The following BNC2 variants were observed in gnomAD, a reference collection of about 807,000 sequenced individuals.
BNC2 encodes the protein zinc finger protein basonuclin-2.
In BNC2, 20 loss-of-function variants were observed where a neutral mutation model predicts 76.3. That is an observed-to-expected ratio of 0.26 (90% CI 0.18 to 0.38). The LOEUF (loss-of-function observed/expected upper bound fraction) is 0.38. BNC2 is among the 10% of genes least tolerant of loss of function. The probability of loss-of-function intolerance (pLI) is 1.00; values close to 1 mark genes in which losing one functional copy is unlikely to be tolerated. For missense variants in BNC2, 1,382 were observed against 1,399.8 expected, an observed-to-expected ratio of 0.99 and a Z score of 0.20; for synonymous variants, 582 against 514.8, an observed-to-expected ratio of 1.13 and a Z score of -1.77.
intron 3 of BNC2, among the ~76,000 whole-genome samples, chr9:16,614,863 G>A (rs73421425): frequency 0.12 from 18,080 of 151,246 alleles, 2,010 homozygotes; most frequent in African/African-American, 0.3. Flanking sequence ...AGTCGAGGTG[G>A]AAAGATTACT....
intron 1 of BNC2, among the ~76,000 whole-genome samples, chr9:16,749,067 T>C (rs1174040780): frequency 5.6e-5 from 2 of 35,718 alleles, no homozygotes; most frequent in Non-Finnish European, 1.8e-4. Context: ...AAATTCAGTA[T>C]GTAAGCTTGT....
intron 5 of BNC2, among the ~76,000 whole-genome samples, chr9:16,493,985 C>T (rs1319150136): frequency 6.6e-6 from 1 of 152,100 alleles, no homozygotes; most frequent in African/African-American, 2.4e-5. Flanking sequence ...ATTCAGTCCT[C>T]CACTCAACTA....
In BNC2 at chr9:16,435,587, A is replaced by G; in HGVS notation, c.2607T>C (p.Asn869=). ...EMHVCTVAGC[N]AAFPSRRSRD... is the part of the protein sequence containing the mutation. The stretch of plus-strand genomic sequence containing the variant: ...GGCTTCGGCGAGAGGGGAATGCAGC[A>G]TTGCAACCAGCCACTGTGCAGACGT... The change falls in exon 6 of 7, where the codon AAT becomes AAC. Residue 869 remains asparagine, a synonymous_variant. Transcript: ENST00000380672. 6.2e-7 allele frequency: 1 copy of G among 1,614,114 alleles called. No homozygotes were observed. Among genetic ancestry groups the G allele is most frequent in the Non-Finnish European group, 8.5e-7 (1 of 1,180,030 alleles).
chr9:16,565,811 A>G (rs1458359682), intron 4 of BNC2, among the ~76,000 whole-genome samples: 1 of 151,974 alleles, frequency 6.6e-6, no homozygotes, highest in Non-Finnish European at 1.5e-5. Context: ...CATCTCAAAA[A>G]AAAAAAAAGC....
intron 1 of BNC2, among the ~76,000 whole-genome samples, chr9:16,764,951 G>GGA (rs1156507767): frequency 6.6e-6 from 1 of 151,940 alleles, no homozygotes; most frequent in African/African-American, 2.4e-5. Flanking sequence ...GAAAAAAGAA[G>GGA]GAGAGAGAGA....
chr9:16,845,925 G>A (rs1032349315), intron 1 of BNC2, among the ~76,000 whole-genome samples: 24 of 151,956 alleles, frequency 1.6e-4, no homozygotes, highest in African/African-American at 2.7e-4. Context: ...CGAGACGGGC[G>A]GATCAGGAGG....
intron 3 of BNC2, among the ~76,000 whole-genome samples, chr9:16,617,458 C>T (rs1457926391): frequency 1.3e-5 from 2 of 151,464 alleles, no homozygotes; most frequent in Non-Finnish European, 2.9e-5. Context: ...CTCAGCTACA[C>T]TGTCACCCAA....
intron 5 of BNC2, among the ~76,000 whole-genome samples, chr9:16,545,182 G>A (rs1818441107): frequency 6.6e-6 from 1 of 152,152 alleles, no homozygotes; most frequent in Non-Finnish European, 1.5e-5. Context: ...AATAGTAGCT[G>A]CTCTTTTTCT....
intron 1 of BNC2, among the ~76,000 whole-genome samples, chr9:16,757,352 G>C (rs1264816794): frequency 6.6e-6 from 1 of 152,180 alleles, no homozygotes; most frequent in Non-Finnish European, 1.5e-5. Context: ...ATTATCTGAA[G>C]AATCAGAACT....
chr9:16,755,868 G>A (rs1418137235), intron 1 of BNC2, among the ~76,000 whole-genome samples: 1 of 152,234 alleles, frequency 6.6e-6, no homozygotes, highest in East Asian at 1.9e-4. Context: ...GCTTTTCTTA[G>A]GAGTGTTTCC....
intron 3 of BNC2, 78 bp from the exon 4 acceptor site, chr9:16,583,163 G>T: frequency 8.4e-7 from 1 of 1,188,092 alleles, no homozygotes; most frequent in Non-Finnish European, 1.2e-6. Context: ...AATAAATATT[G>T]CCCACTTCTA....
rs150402106 is a variant in BNC2 at position 16,509,077 on chromosome 9, C to CA, written c.669+43452dup. Among the ~76,000 whole-genome samples, 1,301 of 152,224 alleles carry CA rather than the reference C, an allele frequency of 8.5e-3. 18 individuals are homozygous for CA. The highest frequency in any genetic ancestry group is 0.029 in the African/African-American group (1,201 of 41,540). ...ACTCCTGGCCTCAAACTCCTTCCCTCAGCCTCCCAAAGCATTGAGATTACA... is the reference window on the plus strand; with the variant it reads ...ACTCCTGGCCTCAAACTCCTTCCCTCAAGCCTCCCAAAGCATTGAGATTACA... On this transcript the variant is annotated intron_variant, in intron 5 of 6. Coordinates refer to ENST00000380672, the MANE Select transcript of BNC2 (RefSeq NM_017637.6).
chr9:16,811,367 A>G (rs1818047972), intron 1 of BNC2, among the ~76,000 whole-genome samples: 1 of 151,594 alleles, frequency 6.6e-6, no homozygotes. Flanking sequence ...CCTGGCCAAC[A>G]TGGTGAAACC....
At chr9:16,858,138 C>T (rs979004373) in intron 1 of BNC2, among the ~76,000 whole-genome samples, 30 of 152,128 alleles carry the variant, frequency 2.0e-4, no homozygotes, top group African/African-American at 6.8e-4. Context: ...CTAGTCATGA[C>T]GGGATGTCTA....
chr9:16,765,573 C>G (rs1234169009), intron 1 of BNC2, among the ~76,000 whole-genome samples: 1 of 152,112 alleles, frequency 6.6e-6, no homozygotes, highest in Non-Finnish European at 1.5e-5. Context: ...ATGAAATGCA[C>G]AGAGTCACAG....
intron 5 of BNC2, among the ~76,000 whole-genome samples, chr9:16,450,009 T>C (rs1821308540): frequency 6.6e-6 from 1 of 152,190 alleles, no homozygotes; most frequent in African/African-American, 2.4e-5. Flanking sequence ...GGCATCATTT[T>C]TTTTCAGTGA....
intron 1 of BNC2, among the ~76,000 whole-genome samples, chr9:16,850,029 A>G (rs1819089891): frequency 6.6e-6 from 1 of 152,266 alleles, no homozygotes; most frequent in South Asian, 2.1e-4. Flanking sequence ...TTGCTCAACT[A>G]AAAAAACAGA....
chr9:16,761,912 C>G (rs1327985412), intron 1 of BNC2, among the ~76,000 whole-genome samples: 1 of 152,100 alleles, frequency 6.6e-6, no homozygotes, highest in Non-Finnish European at 1.5e-5. Flanking sequence ...GCAGAGTAAT[C>G]AGTCCACAAA....
chr9:16,477,362 T>C (rs1351592774), intron 5 of BNC2, among the ~76,000 whole-genome samples: 1 of 151,746 alleles, frequency 6.6e-6, no homozygotes, highest in Non-Finnish European at 1.5e-5. Flanking sequence ...TTGATAACAA[T>C]GTGACAAGGA....
Sources: gnomAD v4.1 joint callset for allele counts (sites outside exome capture counted in the v4.1 genomes callset) on GRCh38, gnomAD v4.1.1 for gene constraint, MANE v1.5 for transcripts, NCBI Gene and HGNC (gene_info 2026-07-23, HGNC 2026-07-21) for gene names.